Variants in NKAIN2 observed in about 807,000 individuals in gnomAD.
The protein encoded by NKAIN2 is sodium/potassium-transporting ATPase subunit beta-1-interacting protein 2.
A neutral mutation model predicts 32.6 loss-of-function variants in NKAIN2; 14 were observed. That is an observed-to-expected ratio of 0.43 (90% confidence interval 0.28 to 0.67). NKAIN2 has a LOEUF of 0.67. Ranked by LOEUF, NKAIN2 falls within the 30% of genes least tolerant of loss-of-function variation. NKAIN2 has a pLI of 0.17. For missense variants in NKAIN2, 198 were observed against 258.3 expected (o/e 0.77, Z 1.60); for synonymous variants, 80 against 87.2 (o/e 0.92, Z 0.46).
At chr6:124,394,748 C>T (rs7774451) in intron 3 of NKAIN2, among the ~76,000 whole-genome samples, 5,898 of 151,972 alleles carry the variant, frequency 0.039, 341 homozygotes, top group African/African-American at 0.14. Context: ...AGATGAAGCC[C>T]GCCTATGTAA....
rs376313497 is a variant in NKAIN2, at chr6:123,935,368, A to G, written c.54+131114A>G. Reference sequence around the variant, plus strand: ...CAAAGCCATTAATTTATAAAGTGAAATTAGAAAGTAATGTGTTTCTCCCAA... The same window carrying G: ...CAAAGCCATTAATTTATAAAGTGAAGTTAGAAAGTAATGTGTTTCTCCCAA... On this transcript the variant is annotated intron_variant, in intron 1 of 6. Coordinates refer to ENST00000368417, the MANE Select transcript of NKAIN2 (RefSeq NM_001040214.3). Among the ~76,000 whole-genome samples the G allele has an allele frequency of 9.0e-3, 1,368 of 151,610 alleles. 11 individuals are homozygous for G. Among genetic ancestry groups the G allele is most frequent in the Middle Eastern group, 0.017 (5 of 294 alleles).
At chr6:123,837,705 A>G (rs556958627) in intron 1 of NKAIN2, among the ~76,000 whole-genome samples, 2 of 152,086 alleles carry the variant, frequency 1.3e-5, no homozygotes, top group African/African-American at 4.8e-5. Context: ...AGTCCTTACT[A>G]TGCTCTGACA....
At chr6:124,811,672 T>C (rs754407147) in intron 5 of NKAIN2, among the ~76,000 whole-genome samples, 4 of 152,046 alleles carry the variant, frequency 2.6e-5, no homozygotes, top group Non-Finnish European at 4.4e-5. Flanking sequence ...ATACCCACAC[T>C]GCAGATAAGA....
At chr6:124,554,738 A>G (rs1408882814) in intron 3 of NKAIN2, among the ~76,000 whole-genome samples, 1 of 152,230 alleles carries the variant, frequency 6.6e-6, no homozygotes, top group African/African-American at 2.4e-5. Context: ...GTCATTTCAA[A>G]ATTTAAATCA....
Position 124,295,675 on chromosome 6 carries a change from G to A in NKAIN2, c.192+12533G>A, listed in dbSNP as rs114436580. On this transcript the variant is annotated intron_variant, in intron 2 of 6. Coordinates refer to ENST00000368417, the MANE Select transcript of NKAIN2 (RefSeq NM_001040214.3). ...TGCCCTACTACTATTGATGCATTAG[G>A]GTTGAAAGTGAATGGATTTCAATAA... Among the ~76,000 whole-genome samples the A allele has an allele frequency of 9.3e-3, 1,419 of 152,162 alleles. 19 individuals are homozygous for A. Among genetic ancestry groups the A allele is most frequent in the African/African-American group, 0.032 (1,338 of 41,546 alleles).
intron 1 of NKAIN2, among the ~76,000 whole-genome samples, chr6:124,203,690 G>C (rs1044927760): frequency 6.6e-6 from 1 of 151,846 alleles, no homozygotes; most frequent in Non-Finnish European, 1.5e-5. Context: ...AGTTAGGCCT[G>C]CTGACAGCAC....
chr6:123,892,667 G>C (rs918403061), intron 1 of NKAIN2, among the ~76,000 whole-genome samples: 1 of 151,808 alleles, frequency 6.6e-6, no homozygotes, highest in African/African-American at 2.4e-5. Context: ...TCCTTCCTTA[G>C]GGAGGAAGGA....
chr6:124,242,901 T>G (rs1793186803), intron 1 of NKAIN2, among the ~76,000 whole-genome samples: 1 of 146,656 alleles, frequency 6.8e-6, no homozygotes, highest in Admixed American at 6.9e-5. Context: ...GCTGGGGGGC[T>G]AGGGGAGGGA....
At chr6:124,635,937 A>G (rs1296720299) in intron 3 of NKAIN2, among the ~76,000 whole-genome samples, 1 of 152,058 alleles carries the variant, frequency 6.6e-6, no homozygotes, top group East Asian at 1.9e-4. Context: ...TATACAGCAA[A>G]TAGGCATAAT....
At chr6:124,371,527 A>T (rs1030988945) in intron 3 of NKAIN2, among the ~76,000 whole-genome samples, 2 of 151,928 alleles carry the variant, frequency 1.3e-5, no homozygotes, top group Non-Finnish European at 2.9e-5. Context: ...CCCCGTCTCT[A>T]CTAAAAATAC....
chr6:124,777,689 A>G (rs1779042639), intron 4 of NKAIN2, among the ~76,000 whole-genome samples: 2 of 152,166 alleles, frequency 1.3e-5, no homozygotes, highest in Non-Finnish European at 2.9e-5. Flanking sequence ...GTTGCAAGTC[A>G]CTGGGAGTCA....
chr6:123,922,371 G>A (rs1333837396), intron 1 of NKAIN2, among the ~76,000 whole-genome samples: 1 of 152,092 alleles, frequency 6.6e-6, no homozygotes, highest in African/African-American at 2.4e-5. Context: ...TGAACTATTG[G>A]GGAATGAAAT....
chr6:124,344,493 C>G (rs1798301782), intron 2 of NKAIN2, among the ~76,000 whole-genome samples: 1 of 151,356 alleles, frequency 6.6e-6, no homozygotes, highest in Non-Finnish European at 1.5e-5. Context: ...TTGTTTGTAT[C>G]CTCTTTTATT....
chr6:123,854,283 G>T (rs1025334075), intron 1 of NKAIN2, among the ~76,000 whole-genome samples: 1 of 152,104 alleles, frequency 6.6e-6, no homozygotes, highest in Non-Finnish European at 1.5e-5. Context: ...TTTCAACACA[G>T]GACATAAGGC....
chr6:124,567,973 T>C (rs1359412838), intron 3 of NKAIN2, among the ~76,000 whole-genome samples: 1 of 152,154 alleles, frequency 6.6e-6, no homozygotes, highest in Non-Finnish European at 1.5e-5. Context: ...GACTGTTAGA[T>C]GCAGGTGAGG....
At chr6:124,254,587 G>C (rs1793838407) in intron 1 of NKAIN2, among the ~76,000 whole-genome samples, 1 of 152,044 alleles carries the variant, frequency 6.6e-6, no homozygotes, top group Non-Finnish European at 1.5e-5. Flanking sequence ...ACAAATATAG[G>C]TGTGATTCAG....
chr6:124,719,464 C>T (rs967685653), intron 4 of NKAIN2, among the ~76,000 whole-genome samples: 4 of 152,156 alleles, frequency 2.6e-5, no homozygotes, highest in African/African-American at 9.7e-5. Context: ...ACCAGGCAGC[C>T]ATTAGCAAAT....
chr6:124,326,203 CT>C lies in NKAIN2; in HGVS notation c.193-29054del, dbSNP rs1035700905. Among the ~76,000 whole-genome samples the C allele has an allele frequency of 1.3e-3, 172 of 135,618 alleles. 1 individual carries two copies. The highest frequency in any genetic ancestry group is 3.5e-3 in the African/African-American group (129 of 36,868). 89.0% of individuals were successfully genotyped at this position (135,618 alleles called of 152,430 possible). ...TGAGCTTTTCTGTTCTTTCAAAGCT[CT>C]TTTTTTTTTCATTTATTTTAGCTCA... On this transcript the variant is annotated intron_variant, in intron 2 of 6. Coordinates refer to ENST00000368417, the MANE Select transcript of NKAIN2 (RefSeq NM_001040214.3).
chr6:124,207,738 T>C (rs1790967808), intron 1 of NKAIN2, among the ~76,000 whole-genome samples: 1 of 151,880 alleles, frequency 6.6e-6, no homozygotes, highest in Non-Finnish European at 1.5e-5. Flanking sequence ...GGACTATCTG[T>C]TTTGAACTGC....
Sources: gnomAD v4.1 joint callset for allele counts (sites outside exome capture counted in the v4.1 genomes callset) on GRCh38, gnomAD v4.1.1 for gene constraint, MANE v1.5 for transcripts, NCBI Gene and HGNC (gene_info 2026-07-23, HGNC 2026-07-21) for gene names.